PDCD1LG2: variants seen among roughly 807,000 people sequenced by gnomAD.
The protein encoded by PDCD1LG2 is programmed cell death 1 ligand 2.
PDCD1LG2 carries 32 observed loss-of-function variants against 28.2 expected under a neutral mutation model. That is an observed-to-expected ratio of 1.13 (90% CI 0.86 to 1.52). PDCD1LG2 has a LOEUF of 1.52. Ranked by LOEUF, PDCD1LG2 falls within the 40% of genes most tolerant of loss-of-function variation. The pLI is 0.00. For missense variants in PDCD1LG2, 385 were observed against 323.8 expected, an observed-to-expected ratio of 1.19 and a Z score of -1.45; for synonymous variants, 116 against 120.2, an observed-to-expected ratio of 0.97 and a Z score of 0.23.
intron 4 of PDCD1LG2, among the ~76,000 whole-genome samples, chr9:5,552,985 T>C (rs1816367863): frequency 1.3e-5 from 2 of 152,166 alleles, no homozygotes; most frequent in Admixed American, 1.3e-4. Flanking sequence ...TTCTTGTCTG[T>C]AATCCCAGCA....
At chr9:5,561,662 TAGATCTTTAGAACATGTCTTC>T (rs1226407117) in intron 5 of PDCD1LG2, among the ~76,000 whole-genome samples, 2 of 152,214 alleles carry the variant, frequency 1.3e-5, no homozygotes, top group Non-Finnish European at 2.9e-5. Context: ...CTACAGAATC[TAGATCTTTAGAACATGTCTTC>T]AGATCTTCAG....
At chr9:5,528,630 G>A (rs1820424397) in intron 2 of PDCD1LG2, among the ~76,000 whole-genome samples, 1 of 151,976 alleles carries the variant, frequency 6.6e-6, no homozygotes, top group Non-Finnish European at 1.5e-5. Context: ...TGTACTTATT[G>A]TATATCTTCA....
At position 5,571,273 on chromosome 9, in the gene PDCD1LG2, CT is replaced by C. The variant is rs902517803; in HGVS notation, c.*1318del. On this transcript the variant is annotated 3_prime_UTR_variant, in exon 7 of 7. Coordinates refer to ENST00000397747, the MANE Select transcript of PDCD1LG2 (RefSeq NM_025239.4). Reference sequence around the variant, plus strand: ...TCTTCAACGTTCTTTATATATTCTACTTTTGGGTAAGAGGTTTGCTCAGGGT... The same window carrying C: ...TCTTCAACGTTCTTTATATATTCTACTTTGGGTAAGAGGTTTGCTCAGGGT... The C allele has an allele frequency of 1.7e-5, 4 of 229,238 alleles. No individual in the cohort carries two copies. Among genetic ancestry groups the C allele is most frequent in the African/African-American group, 8.9e-5 (4 of 45,120 alleles). 14.2% of individuals were successfully genotyped at this position (229,238 alleles called of 1,614,324 possible). A position where few individuals can be genotyped will look rare whatever the true frequency, so the allele number is the denominator to read the frequency against.
chr9:5,519,106 T>A (rs1237618170), intron 1 of PDCD1LG2, among the ~76,000 whole-genome samples: 1 of 152,070 alleles, frequency 6.6e-6, no homozygotes, highest in Non-Finnish European at 1.5e-5. Flanking sequence ...GTGCGCAAGA[T>A]CTTTATTGTG....
At chr9:5,550,635 AT>A (rs1271656158) in intron 4 of PDCD1LG2, among the ~76,000 whole-genome samples, 1 of 150,758 alleles carries the variant, frequency 6.6e-6, no homozygotes, top group Non-Finnish European at 1.5e-5. Context: ...CCCTCCCTCT[AT>A]CTTCAGAGGC....
intron 6 of PDCD1LG2, among the ~76,000 whole-genome samples, chr9:5,568,307 G>A (rs527422019): frequency 1.1e-4 from 16 of 152,314 alleles, no homozygotes; most frequent in Non-Finnish European, 1.9e-4. Flanking sequence ...GGAGGTGAGC[G>A]GGAGACAAGC....
At chr9:5,538,415 G>A (rs539486602) in intron 3 of PDCD1LG2, among the ~76,000 whole-genome samples, 19 of 152,250 alleles carry the variant, frequency 1.2e-4, no homozygotes, top group South Asian at 2.1e-4. Flanking sequence ...GCCGGGCGCG[G>A]TGGCTCACGA....
intron 1 of PDCD1LG2, among the ~76,000 whole-genome samples, chr9:5,516,210 T>A (rs1820160263): frequency 6.6e-6 from 1 of 151,952 alleles, no homozygotes; most frequent in Admixed American, 6.6e-5. Context: ...CACCACTACA[T>A]CCAGCTAATT....
chr9:5,558,443 C>G (rs369279497), intron 5 of PDCD1LG2, among the ~76,000 whole-genome samples: 2 of 152,266 alleles, frequency 1.3e-5, no homozygotes, highest in South Asian at 2.1e-4. Flanking sequence ...TGGAGCCTGC[C>G]CACAAAACCC....
intron 4 of PDCD1LG2, among the ~76,000 whole-genome samples, chr9:5,554,410 A>T (rs1012806799): frequency 6.6e-6 from 1 of 152,222 alleles, no homozygotes; most frequent in African/African-American, 2.4e-5. Flanking sequence ...CCTGGCTTCT[A>T]TTTCTCAAGG....
At chr9:5,530,140 C>G (rs953669793) in intron 2 of PDCD1LG2, among the ~76,000 whole-genome samples, 1 of 152,162 alleles carries the variant, frequency 6.6e-6, no homozygotes, top group African/African-American at 2.4e-5. Context: ...GAATAAGTGA[C>G]AGGTGCTGAC....
At chr9:5,512,456 C>T (rs938568196) in intron 1 of PDCD1LG2, among the ~76,000 whole-genome samples, 1 of 152,180 alleles carries the variant, frequency 6.6e-6, no homozygotes, top group African/African-American at 2.4e-5. Flanking sequence ...GGATTTTCCT[C>T]CATTGCCTCA....
At chr9:5,535,677 G>A (rs948062512) in intron 3 of PDCD1LG2, among the ~76,000 whole-genome samples, 12 of 151,848 alleles carry the variant, frequency 7.9e-5, no homozygotes, top group Admixed American at 7.9e-4. Context: ...TTACAAGTTT[G>A]GAAAACACTG....
intron 6 of PDCD1LG2, among the ~76,000 whole-genome samples, chr9:5,564,766 G>A (rs1364962467): frequency 6.6e-6 from 1 of 152,144 alleles, no homozygotes; most frequent in Non-Finnish European, 1.5e-5. Context: ...TTTTCCTCAA[G>A]TTGAGCTGCT....
intron 1 of PDCD1LG2, among the ~76,000 whole-genome samples, chr9:5,512,486 GC>G (rs1820081011): frequency 6.6e-6 from 1 of 152,024 alleles, no homozygotes; most frequent in African/African-American, 2.4e-5. Flanking sequence ...CCCTGGGGGA[GC>G]TTCTGATGCT....
chr9:5,511,940 G>A lies in PDCD1LG2; in HGVS notation c.-15+1137G>A, dbSNP rs75658849. ...GCAGTACCTGGCAATACACATAGGT[G>A]CTTAGTGGGTGCTTGCCGAATTGTT... On this transcript the variant is annotated intron_variant, in intron 1 of 6. Coordinates refer to ENST00000397747, the MANE Select transcript of PDCD1LG2 (RefSeq NM_025239.4). Among the ~76,000 whole-genome samples, 70 of 152,284 alleles carry A rather than the reference G, an allele frequency of 4.6e-4. No homozygotes were observed. In the East Asian group the frequency reaches 0.012, roughly 26 times the overall value.
intron 1 of PDCD1LG2, among the ~76,000 whole-genome samples, chr9:5,520,395 G>A (rs538559155): frequency 2.8e-4 from 42 of 152,302 alleles, no homozygotes; most frequent in African/African-American, 8.9e-4. Context: ...ACAATCAGTA[G>A]AACAAATTTG....
chr9:5,552,704 C>T (rs1160620348), intron 4 of PDCD1LG2, among the ~76,000 whole-genome samples: 1 of 152,178 alleles, frequency 6.6e-6, no homozygotes. Context: ...ACTCCAAGAA[C>T]TTTGCAGTGA....
At chr9:5,514,990 G>A (rs921379844) in intron 1 of PDCD1LG2, among the ~76,000 whole-genome samples, 2 of 152,052 alleles carry the variant, frequency 1.3e-5, no homozygotes, top group East Asian at 1.9e-4. Flanking sequence ...AGTGAGAGGA[G>A]TGGTCATATA....
Sources: gnomAD v4.1 joint callset for allele counts (sites outside exome capture counted in the v4.1 genomes callset) on GRCh38, gnomAD v4.1.1 for gene constraint, MANE v1.5 for transcripts, NCBI Gene and HGNC (gene_info 2026-07-23, HGNC 2026-07-21) for gene names.